The following XPOT variants were observed in gnomAD, a reference collection of about 807,000 sequenced individuals.
The protein encoded by XPOT is exportin-T.
Under a neutral mutation model 128.2 loss-of-function variants are expected in XPOT, and 34 were observed. The observed-to-expected ratio is 0.27, with a 90% CI of 0.20 to 0.35. XPOT has a LOEUF of 0.35. XPOT is among the 10% of genes least tolerant of loss of function. The probability of loss-of-function intolerance (pLI) is 1.00; values close to 1 mark genes in which losing one functional copy is unlikely to be tolerated. For synonymous variants in XPOT, 348 were observed against 394.3 expected, an observed-to-expected ratio of 0.88 and a Z score of 1.39; for missense variants, 838 against 1,125.3, an observed-to-expected ratio of 0.74 and a Z score of 3.65.
Position 64,420,390 on chromosome 12 carries a change from G to T in XPOT, c.712G>T (p.Val238Phe). 8 of 1,613,796 alleles carry T rather than the reference G, an allele frequency of 5.0e-6. No homozygotes were observed. Among genetic ancestry groups the T allele is most frequent in the Non-Finnish European group, 6.8e-6 (8 of 1,179,884 alleles). Reference sequence around the variant, plus strand: ...GCTGCTAGGTCATATGTCAATAGAAGTTCTACGGGAAGAAGCATGTGACTG... The same window carrying T: ...GCTGCTAGGTCATATGTCAATAGAATTTCTACGGGAAGAAGCATGTGACTG... Reference protein sequence around the residue: ...NMLLGHMSIEVLREEACDCLF... With the variant: ...NMLLGHMSIEFLREEACDCLF... Residue 238 changes from valine to phenylalanine, a missense_variant, in exon 8 of 25, where the codon GTT becomes TTT. Val to Phe is a conservative substitution (Grantham distance 50). Coordinates refer to ENST00000332707, the MANE Select transcript of XPOT (RefSeq NM_007235.6).
chr12:64,433,317 C>A, intron 18 of XPOT, 97 bp from the exon 19 acceptor site: 1 of 1,204,518 alleles, frequency 8.3e-7, no homozygotes. Context: ...ACGCATGCAT[C>A]CTAAATAGAA....
intron 22 of XPOT, among the ~76,000 whole-genome samples, chr12:64,437,548 A>C (rs950610081): frequency 6.6e-6 from 1 of 152,216 alleles, no homozygotes; most frequent in Non-Finnish European, 1.5e-5. Context: ...GTTTAGCTAA[A>C]GTATAGAGGC....
intron 22 of XPOT, among the ~76,000 whole-genome samples, chr12:64,436,968 A>G (rs1002797741): frequency 6.6e-6 from 1 of 152,170 alleles, no homozygotes; most frequent in African/African-American, 2.4e-5. Context: ...GCCTCTCTCA[A>G]AGCCATAGAA....
intron 2 of XPOT, among the ~76,000 whole-genome samples, chr12:64,411,060 G>A (rs1415784405): frequency 6.6e-6 from 1 of 152,162 alleles, no homozygotes; most frequent in Non-Finnish European, 1.5e-5. Context: ...ACAGTACCAT[G>A]TGCATGTCTC....
chr12:64,448,180 T>A lies in XPOT; in HGVS notation c.*49T>A. The A allele has an allele frequency of 1.9e-6, 3 of 1,596,040 alleles. No homozygotes were observed. Among genetic ancestry groups the A allele is most frequent in the Non-Finnish European group, 2.6e-6 (3 of 1,163,850 alleles). ...TTCATGATCATGAATTCCAGTTAAT[T>A]TATAAAGAGGCGATTTTTGTGTGCC... is the stretch of plus-strand genomic sequence containing the variant. On this transcript the variant is annotated 3_prime_UTR_variant, in exon 25 of 25. Coordinates refer to ENST00000332707, the MANE Select transcript of XPOT (RefSeq NM_007235.6).
At chr12:64,425,261 C>CTTAGTATATG in intron 13 of XPOT, 77 bp from the exon 14 acceptor site, 1 of 1,608,890 alleles carries the variant, frequency 6.2e-7, no homozygotes, top group Non-Finnish European at 8.5e-7. Flanking sequence ...ATTGTTAGAG[C>CTTAGTATATG]TTAGTATATG....
At chr12:64,407,449 G>A (rs931609329) in intron 1 of XPOT, among the ~76,000 whole-genome samples, 6 of 149,096 alleles carry the variant, frequency 4.0e-5, no homozygotes, top group African/African-American at 1.5e-4. Flanking sequence ...TCATGTCACT[G>A]CACTCCACCC....
rs776953555 is a variant in XPOT, at chr12:64,416,626, T to G, written c.144-72T>G. 4.0e-5 allele frequency: 51 copies of G among 1,267,420 alleles called. No individual in the cohort carries two copies. In the Middle Eastern group the frequency reaches 7.6e-4, roughly 19 times the overall value. The allele number at this position is 1,267,420 out of a possible 1,614,324, so 78.5% of individuals were successfully genotyped here. A position where few individuals can be genotyped will look rare whatever the true frequency, so the allele number is the denominator to read the frequency against. ...GAAACTTTTCTGCTGTATTACTCAT[T>G]ACTATTTTGCCTTTGATTTGTTTTC... On this transcript the variant is annotated intron_variant, in intron 3 of 24. Coordinates refer to ENST00000332707, the MANE Select transcript of XPOT (RefSeq NM_007235.6).
At chr12:64,407,900 C>G (rs1157703045) in intron 1 of XPOT, among the ~76,000 whole-genome samples, 1 of 152,098 alleles carries the variant, frequency 6.6e-6, no homozygotes, top group Non-Finnish European at 1.5e-5. Context: ...AGTCCATATC[C>G]TGAGTTATTT....
intron 23 of XPOT, among the ~76,000 whole-genome samples, chr12:64,439,643 A>G (rs2040309484): frequency 6.6e-6 from 1 of 152,170 alleles, no homozygotes; most frequent in African/African-American, 2.4e-5. Context: ...AAAGGAGCCT[A>G]ATAGGCTTTT....
intron 23 of XPOT, among the ~76,000 whole-genome samples, chr12:64,443,831 A>G: frequency 6.6e-6 from 1 of 152,178 alleles, no homozygotes; most frequent in Non-Finnish European, 1.5e-5. Flanking sequence ...TAAAAAATGA[A>G]TTTAACTCAT....
In XPOT at chr12:64,445,901, G is replaced by C. The variant is rs188711735; in HGVS notation, c.2862+770G>C. On this transcript the variant is annotated intron_variant, in intron 24 of 24. Coordinates refer to ENST00000332707, the MANE Select transcript of XPOT (RefSeq NM_007235.6). ...TGTATCACCTGGTTCTTTTAGCAAA[G>C]ACATTCAGTAGAATTTGTAAGTCAG... Among the ~76,000 whole-genome samples, 4 of 152,300 alleles carry C rather than the reference G, an allele frequency of 2.6e-5. No individual in the cohort carries two copies. In the East Asian group the frequency reaches 7.7e-4, roughly 29 times the overall value.
chr12:64,444,002 C>T lies in XPOT; in HGVS notation c.2806-1073C>T, dbSNP rs146759433. On this transcript the variant is annotated intron_variant, in intron 23 of 24. Coordinates refer to ENST00000332707, the MANE Select transcript of XPOT (RefSeq NM_007235.6). ...GTGCTCATCAAAAGTAGAACTTAGA[C>T]CATTCAGTTTACAGCTAATCTTCCA... Among the ~76,000 whole-genome samples, 476 of 152,160 alleles carry T rather than the reference C, an allele frequency of 3.1e-3. 1 individual carries two copies. Among genetic ancestry groups the T allele is most frequent in the Non-Finnish European group, 5.6e-3 (381 of 67,986 alleles).
chr12:64,414,562 C>T (rs940671280), intron 2 of XPOT, among the ~76,000 whole-genome samples: 2 of 152,120 alleles, frequency 1.3e-5, no homozygotes, highest in African/African-American at 4.8e-5. Context: ...TGATCACACC[C>T]TTAACTCATC....
chr12:64,429,797 A>C (rs2040223756), intron 16 of XPOT, among the ~76,000 whole-genome samples: 1 of 152,214 alleles, frequency 6.6e-6, no homozygotes, highest in African/African-American at 2.4e-5. Context: ...CAAGTTAGAA[A>C]GCTAACTTTA....
intron 19 of XPOT, 132 bp downstream of exon 19, chr12:64,433,735 G>C: frequency 1.3e-6 from 1 of 792,568 alleles, no homozygotes; most frequent in African/African-American, 1.8e-5. Context: ...ACAGTTTATT[G>C]TTTTCAGGGT....
intron 8 of XPOT, among the ~76,000 whole-genome samples, chr12:64,420,958 AC>A (rs1246149746): frequency 1.3e-5 from 2 of 151,952 alleles, no homozygotes; most frequent in Non-Finnish European, 2.9e-5. Context: ...ATGCCACTAC[AC>A]CCGGCAAATT....
At chr12:64,441,731 C>T (rs2040326443) in intron 23 of XPOT, among the ~76,000 whole-genome samples, 1 of 152,172 alleles carries the variant, frequency 6.6e-6, no homozygotes, top group Non-Finnish European at 1.5e-5. Flanking sequence ...AGTGCCCAGG[C>T]TGGAGTGCAG....
At chr12:64,410,414 G>T (rs1361000049) in intron 2 of XPOT, among the ~76,000 whole-genome samples, 1 of 152,026 alleles carries the variant, frequency 6.6e-6, no homozygotes, top group Non-Finnish European at 1.5e-5. Context: ...CAGCAGACAT[G>T]TGTATTTTAT....
Sources: gnomAD v4.1 joint callset for allele counts (sites outside exome capture counted in the v4.1 genomes callset) on GRCh38, gnomAD v4.1.1 for gene constraint, MANE v1.5 for transcripts, NCBI Gene and HGNC (gene_info 2026-07-23, HGNC 2026-07-21) for gene names.